Variants in TMC5 observed in about 807,000 individuals in gnomAD.
TMC5 encodes the protein transmembrane channel-like protein 5.
TMC5 carries 86 observed loss-of-function variants against 110.5 expected under a neutral mutation model. That is an observed-to-expected ratio of 0.78 (90% confidence interval 0.65 to 0.93). TMC5 has a LOEUF of 0.93. TMC5 is among the 40% of genes least tolerant of loss of function. The pLI is 0.00. For synonymous variants in TMC5, 455 were observed against 439.5 expected, an observed-to-expected ratio of 1.04 and a Z score of -0.44; for missense variants, 1,144 against 1,222.8, an observed-to-expected ratio of 0.94 and a Z score of 0.96.
chr16:19,479,550 G>A (rs935474776), intron 14 of TMC5, 22 bp downstream of exon 14: 9 of 1,534,182 alleles, frequency 5.9e-6, no homozygotes, highest in Admixed American at 1.7e-5. Flanking sequence ...CCATTCTTAA[G>A]TAATTAGGGC....
chr16:19,412,278 C>T (rs1966857550), intron 1 of TMC5, among the ~76,000 whole-genome samples: 1 of 151,240 alleles, frequency 6.6e-6, no homozygotes, highest in South Asian at 2.1e-4. Context: ...CACTATGTTG[C>T]CCAGTCCAGC....
chr16:19,496,710 C>A lies in TMC5; in HGVS notation c.2932-411C>A, dbSNP rs1215139983. On this transcript the variant is annotated intron_variant, in intron 20 of 21. Transcript: ENST00000542583. ...GACCGGCCTGACCAACATGGTGAAA[C>A]CCTGTCTCTACTAAAAATAAAAAAA... Among the ~76,000 whole-genome samples the A allele has an allele frequency of 2.0e-5, 3 of 151,358 alleles. No homozygotes were observed. The East Asian group carries it at 5.8e-4, about 29-fold the overall frequency.
intron 1 of TMC5, among the ~76,000 whole-genome samples, chr16:19,412,817 A>G (rs1966859345): frequency 6.6e-6 from 1 of 152,120 alleles, no homozygotes; most frequent in South Asian, 2.1e-4. Flanking sequence ...TCCATAAAGC[A>G]CTTTTTCCTT....
intron 5 of TMC5, among the ~76,000 whole-genome samples, chr16:19,453,510 AC>A (rs1301921107): frequency 3.3e-5 from 5 of 151,430 alleles, no homozygotes; most frequent in East Asian, 1.9e-4. Context: ...AATCACTTGA[AC>A]CCGGGAGGCG....
chr16:19,444,176 G>T lies in TMC5; in HGVS notation c.884G>T (p.Gly295Val). 1 of 1,614,068 alleles carries T rather than the reference G, an allele frequency of 6.2e-7. No individual in the cohort carries two copies. The highest frequency in any genetic ancestry group is 8.5e-7 in the Non-Finnish European group (1 of 1,180,014). ...SLWGENDYPE[G>V]IEMASMEMAN... ...TGGGGAGAGAATGATTACCCTGAAGGCATTGAAATGGCATCCATGGAGATG... is the reference window on the plus strand; with the variant it reads ...TGGGGAGAGAATGATTACCCTGAAGTCATTGAAATGGCATCCATGGAGATG... The change falls in exon 4 of 22, where the codon GGC becomes GTC. Residue 295 changes from glycine (G) to valine (V), a missense_variant. Coordinates refer to ENST00000542583, the MANE Select transcript of TMC5 (RefSeq NM_001261841.2).
At chr16:19,483,973 T>C (rs1406821544) in intron 15 of TMC5, among the ~76,000 whole-genome samples, 1 of 151,410 alleles carries the variant, frequency 6.6e-6, no homozygotes, top group Non-Finnish European at 1.5e-5. Context: ...TCCCAGCTAC[T>C]TGGGAGGCTG....
intron 5 of TMC5, among the ~76,000 whole-genome samples, chr16:19,449,921 C>A (rs990364400): frequency 6.6e-6 from 1 of 152,198 alleles, no homozygotes; most frequent in Non-Finnish European, 1.5e-5. Context: ...CCATGAGGAA[C>A]TGTAAGACAA....
rs767735229 is a variant in TMC5 at position 19,463,821 on chromosome 16, A to G, written c.1282A>G (p.Ile428Val). The G allele has an allele frequency of 2.5e-6, 4 of 1,614,114 alleles. No individual in the cohort carries two copies. In the African/African-American group the frequency reaches 5.3e-5, roughly 22 times the overall value. Residue 428 changes from isoleucine to valine, a missense_variant, in exon 8 of 22, where the codon ATC becomes GTC. Ile to Val is a conservative substitution (Grantham distance 29, BLOSUM62 3). Transcript: ENST00000542583. ...KNSLSEILNSISLWQKTLKII... is the reference protein window; with the variant it reads ...KNSLSEILNSVSLWQKTLKII... Reference sequence around the variant, plus strand: ...CAGCCTGTCGGAAATTCTGAATTCCATCAGCCTGTGGCAGAAGACGCTGAA... The same window carrying G: ...CAGCCTGTCGGAAATTCTGAATTCCGTCAGCCTGTGGCAGAAGACGCTGAA...
rs532684057 is a variant in TMC5, at chr16:19,449,475, T to C, written c.959-67T>C. On this transcript the variant is annotated intron_variant, in intron 4 of 21. Coordinates refer to ENST00000542583, the MANE Select transcript of TMC5 (RefSeq NM_001261841.2). ...CGAACCACTATTAGCACATCATAAC[T>C]ATTGCATGCCAGGAATGTCTAGTGT... is the stretch of plus-strand genomic sequence containing the variant. 6.7e-6 allele frequency: 9 copies of C among 1,333,436 alleles called. No individual in the cohort carries two copies. The South Asian group carries it at 1.1e-4, about 16-fold the overall frequency. 82.6% of individuals were successfully genotyped at this position (1,333,436 alleles called of 1,614,324 possible).
chr16:19,446,192 A>G (rs2143494647), intron 4 of TMC5, among the ~76,000 whole-genome samples: 1 of 152,308 alleles, frequency 6.6e-6, no homozygotes, highest in East Asian at 1.9e-4. Context: ...CAGATAGCCC[A>G]GGGCTATTCC....
At chr16:19,462,480 A>G (rs2143578651) in intron 6 of TMC5, 1 of 700,620 alleles carries the variant, frequency 1.4e-6, no homozygotes, top group East Asian at 2.7e-5. Flanking sequence ...AAAGAGGTTT[A>G]ATGGACTCAC....
rs758587271 is a variant in TMC5, at chr16:19,472,129, G to A, written c.1824G>A (p.Thr608=). The A allele has an allele frequency of 1.8e-5, 29 of 1,614,062 alleles. No individual in the cohort carries two copies. The highest frequency in any genetic ancestry group is 2.7e-5 in the African/African-American group (2 of 74,926). The change falls in exon 11 of 22, where the codon ACG becomes ACA. Residue 608 remains threonine, a synonymous_variant. Transcript: ENST00000542583. The stretch of plus-strand genomic sequence containing the variant: ...TCCGTCAGGAGAATTCCAAGTTGAC[G>A]TTCAATCAGCTGCTGACCCGCTTCT... ...SELRQENSKL[T]FNQLLTRFSA...
rs183962440 is a variant in TMC5, at chr16:19,494,678, G to A, written c.2931+312G>A. Among the ~76,000 whole-genome samples the A allele has an allele frequency of 8.0e-4, 122 of 152,136 alleles. No homozygotes were observed. The Middle Eastern group carries it at 0.01, about 13-fold the overall frequency. Reference sequence around the variant, plus strand: ...AAAAGTTAGCTGGGTGTGGTGGCACGCACCTGTAGCCCCAGCTACTTGGGA... The same window carrying A: ...AAAAGTTAGCTGGGTGTGGTGGCACACACCTGTAGCCCCAGCTACTTGGGA... On this transcript the variant is annotated intron_variant, in intron 20 of 21. Coordinates refer to ENST00000542583, the MANE Select transcript of TMC5 (RefSeq NM_001261841.2).
chr16:19,430,165 G>A (rs974345366), intron 1 of TMC5, among the ~76,000 whole-genome samples: 2 of 152,154 alleles, frequency 1.3e-5, no homozygotes, highest in African/African-American at 4.8e-5. Context: ...AGCTTCACCA[G>A]AAATGTTTTA....
chr16:19,444,034 C>T (rs763832893), intron 3 of TMC5, 47 bp from the exon 4 acceptor site: 1 of 1,519,990 alleles, frequency 6.6e-7, no homozygotes, highest in Admixed American at 1.8e-5. Flanking sequence ...GATGACAATC[C>T]TTACTATACT....
At chr16:19,492,943 A>ATAT (rs61334845) in intron 19 of TMC5, among the ~76,000 whole-genome samples, 2,219 of 92,032 alleles carry the variant, frequency 0.024, 423 homozygotes, top group Non-Finnish European at 0.038. Flanking sequence ...TCTCTCTATA[A>ATAT]GATAAATACT....
rs1486057714 is a variant in TMC5 at position 19,492,129 on chromosome 16, C to T, written c.2748-21C>T. 6 of 1,588,042 alleles carry T rather than the reference C, an allele frequency of 3.8e-6. No individual in the cohort carries two copies. The Admixed American group carries it at 5.0e-5, about 13-fold the overall frequency. On this transcript the variant is annotated intron_variant, in intron 18 of 21. Transcript: ENST00000542583. ...GCAAAACATTTGCAAGAGTGTCATTCTTTCTTTTCTCCTCTTCCAGAATCA... is the reference window on the plus strand; with the variant it reads ...GCAAAACATTTGCAAGAGTGTCATTTTTTCTTTTCTCCTCTTCCAGAATCA...
rs143248181 is a variant in TMC5 at position 19,437,866 on chromosome 16, G to A, written c.-79-2094G>A. ...ATTCTATCCCCTTAGCCACCCCAGT[G>A]AAATAAGAGCACCTCTTTCCCAGTA... is the stretch of plus-strand genomic sequence containing the variant. On this transcript the variant is annotated intron_variant, in intron 2 of 21. Coordinates refer to ENST00000542583, the MANE Select transcript of TMC5 (RefSeq NM_001261841.2). Among the ~76,000 whole-genome samples the A allele has an allele frequency of 7.6e-3, 1,162 of 152,268 alleles. 8 individuals are homozygous for A. The highest frequency in any genetic ancestry group is 0.013 in the Non-Finnish European group (851 of 68,024).
At position 19,498,350 on chromosome 16, in the gene TMC5, CTG is replaced by C. The variant is rs1317905446; in HGVS notation, c.*386_*387del. 4.9e-6 allele frequency: 1 copy of C among 204,742 alleles called. No homozygotes were observed. The highest frequency in any genetic ancestry group is 5.9e-5 in the Admixed American group (1 of 16,900). 12.7% of individuals were successfully genotyped at this position (204,742 alleles called of 1,614,324 possible). On this transcript the variant is annotated 3_prime_UTR_variant, in exon 22 of 22. Coordinates refer to ENST00000542583, the MANE Select transcript of TMC5 (RefSeq NM_001261841.2). ...CCCAGACCTGGCAAAGGTTTAGAAA[CTG>C]TTGCTAAGAAAAGTGGTCCATCCTG...
Sources: allele counts gnomAD v4.1 joint callset (sites outside exome capture counted in the v4.1 genomes callset), GRCh38; gene constraint gnomAD v4.1.1; transcripts MANE v1.5; gene names NCBI Gene and HGNC (gene_info 2026-07-23, HGNC 2026-07-21).